MYOM2: variants seen among roughly 807,000 people sequenced by gnomAD.
The protein encoded by MYOM2 is myomesin 2.
A neutral mutation model predicts 187.6 loss-of-function variants in MYOM2; 254 were observed. The ratio of observed to expected loss-of-function variants is 1.35; its 90% confidence interval spans 1.22 to 1.50. MYOM2 has a LOEUF of 1.50. MYOM2 is among the 40% of genes most tolerant of loss of function. The pLI is 0.00. For synonymous variants in MYOM2, 981 were observed against 753.8 expected (o/e 1.30, Z -4.94); for missense variants, 2,796 against 1,924.0 (o/e 1.45, Z -8.48).
Position 2,090,077 on chromosome 8 carries a change from G to T in MYOM2, c.1714G>T (p.Val572Leu). The change falls in exon 15 of 37, where the codon GTG becomes TTG. Residue 572 changes from valine to leucine, a missense_variant. Coordinates refer to ENST00000262113, the MANE Select transcript of MYOM2 (RefSeq NM_003970.4). ...GGCTGTGAGATCCCCGAGATATGCC[G>T]TGTTTGACCTCATGGAAGGGAAGTC... is the stretch of plus-strand genomic sequence containing the variant. Reference protein sequence around the residue: ...QTAVRSPRYAVFDLMEGKSYV... With the variant: ...QTAVRSPRYALFDLMEGKSYV... The T allele has an allele frequency of 1.2e-6, 2 of 1,614,098 alleles. No individual in the cohort carries two copies. The highest frequency in any genetic ancestry group is 1.7e-6 in the Non-Finnish European group (2 of 1,180,022).
At chr8:2,077,980 G>C (rs771968856) in intron 11 of MYOM2, among the ~76,000 whole-genome samples, 15 of 152,176 alleles carry the variant, frequency 9.9e-5, no homozygotes, top group Non-Finnish European at 1.0e-4. Flanking sequence ...TACTTAGGAG[G>C]AGAGCTGGTT....
rs1181876696 is a variant in MYOM2, at chr8:2,073,418, C to G, written c.1038C>G (p.His346Gln). ...CCTCCCTGTCCTTCAGCCACCTGCA[C>G]AAGGACGACGAGGGCCTGTACACCC... ...GQASLSFSHLHKDDEGLYTLR... is the reference protein window; with the variant it reads ...GQASLSFSHLQKDDEGLYTLR... The change falls in exon 10 of 37, where the codon CAC becomes CAG. Residue 346 changes from histidine (H) to glutamine (Q), a missense_variant. His to Gln is a conservative substitution (Grantham distance 24). Coordinates refer to ENST00000262113, the MANE Select transcript of MYOM2 (RefSeq NM_003970.4). 5.6e-6 allele frequency: 9 copies of G among 1,613,086 alleles called. No homozygotes were observed. Among genetic ancestry groups the G allele is most frequent in the South Asian group, 5.5e-5 (5 of 90,942 alleles).
intron 1 of MYOM2, among the ~76,000 whole-genome samples, chr8:2,045,590 C>G (rs1390945755): frequency 6.6e-6 from 1 of 152,160 alleles, no homozygotes; most frequent in Non-Finnish European, 1.5e-5. Context: ...TGGATATTTT[C>G]TTAAGGGAAA....
In MYOM2 at chr8:2,090,100, G is replaced by A. The variant is rs778945778; in HGVS notation, c.1737G>A (p.Lys579=). ...CCGTGTTTGACCTCATGGAAGGGAA[G>A]TCTTATGTGTTCCGAGTGCTGTCAG... ...RYAVFDLMEG[K]SYVFRVLSAN... The change falls in exon 15 of 37, where the codon AAG becomes AAA. Residue 579 remains lysine, a synonymous_variant. Transcript: ENST00000262113. The A allele has an allele frequency of 1.2e-6, 2 of 1,614,102 alleles. No individual in the cohort carries two copies. Among genetic ancestry groups the A allele is most frequent in the Non-Finnish European group, 8.5e-7 (1 of 1,180,026 alleles).
chr8:2,086,738 C>T (rs745986486), intron 14 of MYOM2, among the ~76,000 whole-genome samples: 2 of 152,230 alleles, frequency 1.3e-5, no homozygotes, highest in Non-Finnish European at 2.9e-5. Context: ...GCGTTCTTCA[C>T]TGCCGTGTGG....
chr8:2,088,335 A>C (rs1796166713), intron 14 of MYOM2, among the ~76,000 whole-genome samples: 1 of 152,202 alleles, frequency 6.6e-6, no homozygotes, highest in Admixed American at 6.5e-5. Context: ...AAGTTCTGAC[A>C]GGGGTATGTT....
intron 11 of MYOM2, among the ~76,000 whole-genome samples, chr8:2,078,304 C>T (rs1819503821): frequency 6.6e-6 from 1 of 152,156 alleles, no homozygotes; most frequent in Non-Finnish European, 1.5e-5. Context: ...GAGCTGGAGG[C>T]AGAGGGGGCT....
intron 3 of MYOM2, among the ~76,000 whole-genome samples, chr8:2,053,201 G>A (rs954804448): frequency 6.6e-6 from 1 of 152,164 alleles, no homozygotes; most frequent in Non-Finnish European, 1.5e-5. Context: ...GAAGTCATCT[G>A]TTGAATATAA....
chr8:2,107,234 C>T (rs146239628), intron 23 of MYOM2, among the ~76,000 whole-genome samples: 155 of 152,296 alleles, frequency 1.0e-3, no homozygotes, highest in African/African-American at 3.5e-3. Context: ...ACCCCACCCA[C>T]AGGACAGCGT....
chr8:2,145,079 C>A lies in MYOM2; in HGVS notation c.*98C>A. On this transcript the variant is annotated 3_prime_UTR_variant, in exon 37 of 37. Coordinates refer to ENST00000262113, the MANE Select transcript of MYOM2 (RefSeq NM_003970.4). ...GAGCAGCTGGCATCCGAGTGGTGTC[C>A]TGTGTGGGCTGATAGTTGATCACAC... 1.5e-6 allele frequency: 2 copies of A among 1,293,288 alleles called. No individual in the cohort carries two copies. The highest frequency in any genetic ancestry group is 2.2e-6 in the Non-Finnish European group (2 of 929,476). 80.1% of individuals were successfully genotyped at this position (1,293,288 alleles called of 1,614,324 possible). A position where few individuals can be genotyped will look rare whatever the true frequency, so the allele number is the denominator to read the frequency against.
rs746759229 is a variant in MYOM2 at position 2,109,494 on chromosome 8, G to T, written c.3143G>T (p.Arg1048Leu). ...AEHLSPDASY[R>L]FIINDREVSD... Reference sequence around the variant, plus strand: ...CACTTATCACCAGATGCCAGCTACCGATTTATTATTAACGACAGAGAAGTC... The same window carrying T: ...CACTTATCACCAGATGCCAGCTACCTATTTATTATTAACGACAGAGAAGTC... The change falls in exon 25 of 37, where the codon CGA (arginine) becomes CTA (leucine). Residue 1048 changes from arginine (R) to leucine (L), a missense_variant. Physicochemically the swap from Arg to Leu is moderately radical, Grantham distance 102. Coordinates refer to ENST00000262113, the MANE Select transcript of MYOM2 (RefSeq NM_003970.4). 3.1e-6 allele frequency: 5 copies of T among 1,613,178 alleles called. No homozygotes were observed. The highest frequency in any genetic ancestry group is 2.7e-5 in the African/African-American group (2 of 74,848).
chr8:2,106,547 C>A lies in MYOM2; in HGVS notation c.2948C>A (p.Ser983Tyr). Residue 983 changes from serine (S) to tyrosine (Y), a missense_variant, in exon 23 of 37, where the codon TCT (serine) becomes TAT (tyrosine). Ser to Tyr is a moderately radical substitution (Grantham distance 144). Coordinates refer to ENST00000262113, the MANE Select transcript of MYOM2 (RefSeq NM_003970.4). ...DKEDLGTYSV[S>Y]VSDTDGVSSS... Reference sequence around the variant, plus strand: ...GAGGATTTAGGGACTTACTCCGTGTCTGTAAGTGATACAGACGGAGTGTCC... The same window carrying A: ...GAGGATTTAGGGACTTACTCCGTGTATGTAAGTGATACAGACGGAGTGTCC... 6.2e-7 allele frequency: 1 copy of A among 1,612,186 alleles called. No homozygotes were observed. The highest frequency in any genetic ancestry group is 2.2e-5 in the East Asian group (1 of 44,782).
rs778646566 is a variant in MYOM2 at position 2,101,038 on chromosome 8, C to T, written c.2603C>T (p.Ala868Val). The change falls in exon 20 of 37, where the codon GCC becomes GTC. Residue 868 changes from alanine (A) to valine (V), a missense_variant. Ala to Val is a moderately conservative substitution (Grantham distance 64). Transcript: ENST00000262113. ...ATCACTGTCAATCAGACGACAACAG[C>T]CAGCCGTTATTTAAAGGTAAGTCTT... ...EWITVNQTTTASRYLKVSDLQ... is the reference protein window; with the variant it reads ...EWITVNQTTTVSRYLKVSDLQ... 1.9e-6 allele frequency: 3 copies of T among 1,614,100 alleles called. No individual in the cohort carries two copies. In the South Asian group the frequency reaches 3.3e-5, roughly 18 times the overall value.
At chr8:2,135,333 G>T (rs955518401) in intron 32 of MYOM2, among the ~76,000 whole-genome samples, 1 of 152,004 alleles carries the variant, frequency 6.6e-6, no homozygotes, top group African/African-American at 2.4e-5. Context: ...GTTCTGGGTG[G>T]TAAGCAATTC....
chr8:2,059,846 G>A (rs139421131), intron 6 of MYOM2, among the ~76,000 whole-genome samples: 5,101 of 150,912 alleles, frequency 0.034, 299 homozygotes, highest in African/African-American at 0.12. Context: ...AGGATCAAGC[G>A]ATTCTCCTGC....
At chr8:2,091,751 C>T (rs1796309895) in intron 15 of MYOM2, among the ~76,000 whole-genome samples, 2 of 152,224 alleles carry the variant, frequency 1.3e-5, no homozygotes, top group Non-Finnish European at 2.9e-5. Flanking sequence ...CCTTCTTGTG[C>T]TTTATGACAC....
At chr8:2,045,860 C>T (rs1038181572) in intron 1 of MYOM2, among the ~76,000 whole-genome samples, 3 of 152,172 alleles carry the variant, frequency 2.0e-5, no homozygotes, top group East Asian at 3.9e-4. Flanking sequence ...GGTGGTTGCA[C>T]GTGGAAGGCA....
chr8:2,076,402 G>C, intron 11 of MYOM2, 120 bp downstream of exon 11: 11 of 1,286,500 alleles, frequency 8.6e-6, no homozygotes, highest in Non-Finnish European at 1.2e-5. Context: ...TTGGCTCTAG[G>C]TACATGGCTA....
intron 21 of MYOM2, among the ~76,000 whole-genome samples, chr8:2,104,572 T>C (rs1796829445): frequency 6.6e-6 from 1 of 151,296 alleles, no homozygotes; most frequent in Admixed American, 6.6e-5. Flanking sequence ...GCCACTGCAC[T>C]CTAGCCTGGG....
Sources: gnomAD v4.1 joint callset for allele counts (sites outside exome capture counted in the v4.1 genomes callset) on GRCh38, gnomAD v4.1.1 for gene constraint, MANE v1.5 for transcripts, NCBI Gene and HGNC (gene_info 2026-07-23, HGNC 2026-07-21) for gene names.